The following STK33 variants were observed in gnomAD, a reference collection of about 807,000 sequenced individuals.
The protein encoded by STK33 is serine/threonine kinase 33, also known as serine/threonine-protein kinase 33.
STK33 carries 52 observed loss-of-function variants against 58.0 expected under a neutral mutation model. That is an observed-to-expected ratio of 0.90 (90% CI 0.72 to 1.13). STK33 has a LOEUF of 1.13. STK33 is among the 50% of genes most tolerant of loss of function. STK33 has a pLI of 0.00. For missense variants in STK33, 630 were observed against 604.2 expected (o/e 1.04, Z -0.45); for synonymous variants, 215 against 200.1 (o/e 1.07, Z -0.63).
intron 14 of STK33, among the ~76,000 whole-genome samples, chr11:8,427,884 T>C (rs1942962515): frequency 6.6e-6 from 1 of 152,234 alleles, no homozygotes; most frequent in South Asian, 2.1e-4. Context: ...GGACTGTGTA[T>C]TCTAAACTCT....
chr11:8,533,336 CAT>C (rs1476194678), intron 1 of STK33: 7 of 152,180 alleles, frequency 4.6e-5, no homozygotes, highest in Non-Finnish European at 1.0e-4. Context: ...AATATGTGTA[CAT>C]GTTTGTTACC....
the STK33 span, among the ~76,000 whole-genome samples, chr11:8,347,137 C>T: frequency 6.6e-6 from 1 of 152,192 alleles, no homozygotes; most frequent in Non-Finnish European, 1.5e-5. Context: ...TCTATCAGGA[C>T]TGTTTCTCTC....
chr11:8,583,760 T>TA (rs1229958349), intron 1 of STK33, among the ~76,000 whole-genome samples: 1 of 152,054 alleles, frequency 6.6e-6, no homozygotes, highest in Non-Finnish European at 1.5e-5. Context: ...TCAAATAAAA[T>TA]AAAAAACACT....
chr11:8,471,359 A>G (rs1426734643), intron 6 of STK33, among the ~76,000 whole-genome samples: 2 of 152,198 alleles, frequency 1.3e-5, no homozygotes, highest in Non-Finnish European at 2.9e-5. Context: ...AGGAGAAAAC[A>G]GTTTCTTATT....
intron 1 of STK33, among the ~76,000 whole-genome samples, chr11:8,492,603 G>A (rs964794455): frequency 3.3e-5 from 5 of 152,120 alleles, no homozygotes; most frequent in Non-Finnish European, 7.3e-5. Context: ...CAACTAAATA[G>A]TCATCTACAG....
At chr11:8,464,641 G>A (rs1947950323) in intron 7 of STK33, 68 bp downstream of exon 7, 3 of 1,127,526 alleles carry the variant, frequency 2.7e-6, no homozygotes, top group Non-Finnish European at 4.0e-6. Context: ...AGTGTAAAAA[G>A]CTGTACTGTC....
intron 1 of STK33, among the ~76,000 whole-genome samples, chr11:8,577,098 G>A (rs1444804614): frequency 6.6e-6 from 1 of 152,126 alleles, no homozygotes; most frequent in Admixed American, 6.6e-5. Context: ...GCCCTGAAAT[G>A]TGTCTAGTAA....
chr11:8,470,464 A>C (rs1948670548), intron 6 of STK33, among the ~76,000 whole-genome samples: 1 of 152,236 alleles, frequency 6.6e-6, no homozygotes, highest in African/African-American at 2.4e-5. Flanking sequence ...ATCAGCAATA[A>C]GGCTGTTTTG....
chr11:8,412,995 A>G (rs964805814), intron 15 of STK33, among the ~76,000 whole-genome samples: 7 of 152,232 alleles, frequency 4.6e-5, no homozygotes, highest in African/African-American at 1.7e-4. Context: ...TCAGACACAA[A>G]TAACTGAATA....
At chr11:8,411,462 CTTTTGT>C (rs1347095486) in intron 15 of STK33, among the ~76,000 whole-genome samples, 3 of 152,110 alleles carry the variant, frequency 2.0e-5, no homozygotes, top group African/African-American at 7.2e-5. Context: ...AGTGCTTTTG[CTTTTGT>C]TTTTGTTTTT....
At chr11:8,575,508 A>G (rs1958116945) in intron 1 of STK33, among the ~76,000 whole-genome samples, 1 of 152,232 alleles carries the variant, frequency 6.6e-6, no homozygotes, top group Admixed American at 6.5e-5. Context: ...AATGACAAAT[A>G]TTGTATAATT....
intron 6 of STK33, among the ~76,000 whole-genome samples, chr11:8,469,313 C>T (rs1948546330): frequency 6.6e-6 from 1 of 152,350 alleles, no homozygotes; most frequent in East Asian, 1.9e-4. Context: ...ACAGCATCTT[C>T]ACTAGGAGTA....
At chr11:8,457,504 G>A in intron 8 of STK33, 25 bp from the exon 9 acceptor site, 1 of 1,540,870 alleles carries the variant, frequency 6.5e-7, no homozygotes, top group Non-Finnish European at 8.8e-7. Context: ...ATAAAAGAGA[G>A]AGAGAGCAAA....
chr11:8,413,556 T>C lies in STK33; in HGVS notation c.1283A>G (p.Tyr428Cys). ...KPSTEEKLKS[Y>C]QPWGNVPDAN... ...ATCAGGGACATTTCCCCAGGGTTGGTAACTTTTCAACTTTTCTTCAGTGGA... is the reference window on the plus strand; with the variant it reads ...ATCAGGGACATTTCCCCAGGGTTGGCAACTTTTCAACTTTTCTTCAGTGGA... Residue 428 changes from tyrosine to cysteine, a missense_variant, in exon 15 of 16, where the codon TAC becomes TGC. Transcript: ENST00000687296. The C allele has an allele frequency of 6.2e-7, 1 of 1,614,098 alleles. No homozygotes were observed. Among genetic ancestry groups the C allele is most frequent in the Non-Finnish European group, 8.5e-7 (1 of 1,179,962 alleles).
chr11:8,439,328 T>G (rs60583868), intron 12 of STK33, among the ~76,000 whole-genome samples: 1 of 152,080 alleles, frequency 6.6e-6, no homozygotes, highest in Admixed American at 6.6e-5. Flanking sequence ...TATTATAATA[T>G]GGTTTTTAAA....
chr11:8,554,714 A>AC (rs1956610947), intron 1 of STK33, among the ~76,000 whole-genome samples: 1 of 152,106 alleles, frequency 6.6e-6, no homozygotes, highest in African/African-American at 2.4e-5. Context: ...CAAAAAAACT[A>AC]AAAACATCAC....
intron 15 of STK33, among the ~76,000 whole-genome samples, chr11:8,412,345 A>G (rs1334280676): frequency 6.6e-6 from 1 of 152,254 alleles, no homozygotes; most frequent in African/African-American, 2.4e-5. Context: ...GAGAGGAAAA[A>G]GAATTCAATG....
intron 11 of STK33, among the ~76,000 whole-genome samples, chr11:8,445,512 T>C (rs184443782): frequency 2.6e-5 from 4 of 152,244 alleles, no homozygotes; most frequent in African/African-American, 7.2e-5. Flanking sequence ...TATTCGCTGT[T>C]GGTGTGTCAT....
chr11:8,345,578 A>C, the STK33 span, among the ~76,000 whole-genome samples: 1 of 152,238 alleles, frequency 6.6e-6, no homozygotes, highest in African/African-American at 2.4e-5. Context: ...CAAGCCAGGG[A>C]GTAGGGGAAC....
Sources: allele counts gnomAD v4.1 joint callset (sites outside exome capture counted in the v4.1 genomes callset), GRCh38; gene constraint gnomAD v4.1.1; transcripts MANE v1.5; gene names NCBI Gene and HGNC (gene_info 2026-07-23, HGNC 2026-07-21).